Variants in FRMPD3 observed in about 807,000 individuals in gnomAD.
FRMPD3 encodes the protein FERM and PDZ domain containing 3, also known as FERM and PDZ domain-containing protein 3.
A neutral mutation model predicts 97.9 loss-of-function variants in FRMPD3; 42 were observed. The observed-to-expected ratio is 0.43, with a 90% confidence interval of 0.34 to 0.55. The LOEUF is 0.55. Ranked by LOEUF, FRMPD3 falls within the 20% of genes least tolerant of loss-of-function variation. FRMPD3 has a pLI of 0.03. For synonymous variants in FRMPD3, 577 were observed against 581.1 expected, an observed-to-expected ratio of 0.99 and a Z score of 0.10; for missense variants, 1,303 against 1,457.7, an observed-to-expected ratio of 0.89 and a Z score of 1.73.
At position 107,601,615 on chromosome X, in the gene FRMPD3, A is replaced by G. The variant is rs1048762367; in HGVS notation, c.3576A>G (p.Thr1192=). The G allele has an allele frequency of 2.5e-6, 3 of 1,208,584 alleles. No homozygotes were observed. The African/African-American group carries it at 5.3e-5, about 21-fold the overall frequency. Residue 1192 remains threonine (T), a synonymous_variant, in exon 15 of 15, where the codon ACA becomes ACG. Transcript: ENST00000683843. ...CCATGCCCTCTAGGAAGCTTGAAAC[A>G]ACTCTCAATGGAGCCCACTCGACCT... is the stretch of plus-strand genomic sequence containing the variant. ...VSTMPSRKLE[T]TLNGAHSTSE... is the part of the protein sequence containing the mutation.
intron 1 of FRMPD3, among the ~76,000 whole-genome samples, chrX:107,507,519 C>A (rs1395793762): frequency 9.0e-6 from 1 of 111,521 alleles, no homozygotes; most frequent in Non-Finnish European, 1.9e-5. Flanking sequence ...GGACTTCTAG[C>A]TGCCTCTCCC....
intron 13 of FRMPD3, among the ~76,000 whole-genome samples, chrX:107,592,210 C>T (rs759842536): frequency 3.1e-4 from 34 of 111,218 alleles, no homozygotes; most frequent in South Asian, 7.7e-4. Flanking sequence ...TCCTGAGTTA[C>T]TTCACTTAGA....
At chrX:107,580,724 C>G (rs1441696990) in intron 13 of FRMPD3, among the ~76,000 whole-genome samples, 2 of 111,481 alleles carry the variant, frequency 1.8e-5, no homozygotes, top group Non-Finnish European at 3.8e-5. Context: ...GATTGCTCCT[C>G]CGGAGCACTT....
At chrX:107,580,191 A>AT (rs1923319925) in intron 13 of FRMPD3, among the ~76,000 whole-genome samples, 1 of 111,978 alleles carries the variant, frequency 8.9e-6, no homozygotes, top group Admixed American at 9.5e-5. Flanking sequence ...CTTTGCAAGC[A>AT]TTTTTTTCTA....
chrX:107,522,428 T>C (rs1922537294), intron 1 of FRMPD3: 2 of 558,263 alleles, frequency 3.6e-6, no homozygotes, highest in Non-Finnish European at 6.5e-6. Context: ...TGCTGCTGAC[T>C]GTAGGGTTGG....
intron 6 of FRMPD3, among the ~76,000 whole-genome samples, chrX:107,550,381 T>C (rs1360719507): frequency 1.8e-5 from 2 of 112,162 alleles, no homozygotes; most frequent in East Asian, 5.6e-4. Context: ...TGTTAAACCG[T>C]GTGTGTGCAC....
chrX:107,572,908 C>CTACTAA lies in FRMPD3; in HGVS notation c.1297-3405_1297-3404insCTAATA, dbSNP rs796610991. The stretch of plus-strand genomic sequence containing the variant: ...ACTACTACTACTACTACTACTACTA[C>CTACTAA]TAATAATAATAATAATAATAAAGTA... On this transcript the variant is annotated intron_variant, in intron 12 of 14. Transcript: ENST00000683843. 5.7e-3 allele frequency among the ~76,000 whole-genome samples: 572 copies of CTACTAA among 100,979 alleles called. 3 individuals carry two copies. Among genetic ancestry groups the CTACTAA allele is most frequent in the African/African-American group, 0.019 (521 of 26,749 alleles). 87.7% of individuals were successfully genotyped at this position (100,979 alleles called of 115,157 possible).
intron 1 of FRMPD3, among the ~76,000 whole-genome samples, chrX:107,465,876 A>G (rs1931552710): frequency 8.9e-6 from 1 of 111,963 alleles, no homozygotes. Context: ...TCTACCAAAA[A>G]AAAAAAGAAA....
At chrX:107,490,290 C>T (rs1602758838) in intron 1 of FRMPD3, among the ~76,000 whole-genome samples, 2 of 112,069 alleles carry the variant, frequency 1.8e-5, no homozygotes, top group South Asian at 3.7e-4. Flanking sequence ...CAGCTTTGTT[C>T]TTTTGGCTTA....
chrX:107,485,360 G>A (rs1477092162), intron 1 of FRMPD3, among the ~76,000 whole-genome samples: 1 of 112,400 alleles, frequency 8.9e-6, no homozygotes, highest in Non-Finnish European at 1.9e-5. Flanking sequence ...GGGTGGCTCT[G>A]GGGAAAAGAT....
intron 1 of FRMPD3, among the ~76,000 whole-genome samples, chrX:107,475,183 G>T (rs1431735976): frequency 9.0e-6 from 1 of 111,422 alleles, no homozygotes; most frequent in African/African-American, 3.3e-5. Context: ...ATGTGTGTAT[G>T]AGAGAGATTA....
At chrX:107,503,810 G>C (rs1489889361) in intron 1 of FRMPD3, among the ~76,000 whole-genome samples, 1 of 112,002 alleles carries the variant, frequency 8.9e-6, no homozygotes, top group Non-Finnish European at 1.9e-5. Flanking sequence ...TTGCAAGCTG[G>C]GGTAGGCATG....
Position 107,601,659 on chromosome X carries a change from C to T in FRMPD3, c.3620C>T (p.Pro1207Leu). 8.3e-7 allele frequency: 1 copy of T among 1,211,225 alleles called. No homozygotes were observed. The highest frequency in any genetic ancestry group is 1.1e-6 in the Non-Finnish European group (1 of 895,495). Residue 1207 changes from proline (P) to leucine (L), a missense_variant, in exon 15 of 15, where the codon CCC becomes CTC. Transcript: ENST00000683843. The part of the protein sequence containing the change: ...AHSTSEGPAK[P>L]KSSRGPFRLR... ...TCGACCTCTGAAGGCCCTGCCAAACCCAAGTCATCCCGAGGTCCTTTCCGG... is the reference window on the plus strand; with the variant it reads ...TCGACCTCTGAAGGCCCTGCCAAACTCAAGTCATCCCGAGGTCCTTTCCGG...
intron 7 of FRMPD3, 132 bp from the exon 8 acceptor site, chrX:107,554,253 G>A: frequency 4.5e-6 from 3 of 666,808 alleles, no homozygotes; most frequent in Non-Finnish European, 4.4e-6. Context: ...AGCCAGGTCG[G>A]AGACAGAGTA....
intron 1 of FRMPD3, among the ~76,000 whole-genome samples, chrX:107,455,099 C>T (rs1165632323): frequency 2.7e-5 from 3 of 111,933 alleles, no homozygotes; most frequent in Non-Finnish European, 5.6e-5. Context: ...TTCCATTTCA[C>T]TCACCAGGAA....
At chrX:107,483,002 C>T (rs1298536034) in intron 1 of FRMPD3, among the ~76,000 whole-genome samples, 2 of 112,187 alleles carry the variant, frequency 1.8e-5, no homozygotes, top group Non-Finnish European at 1.9e-5. Flanking sequence ...CCATTGTCTC[C>T]GTCTATAGAC....
In FRMPD3 at chrX:107,538,560, A is replaced by AG. The variant is rs1207920986; in HGVS notation, c.297+5010_297+5011insG. On this transcript the variant is annotated intron_variant, in intron 4 of 14. Coordinates refer to ENST00000683843, the MANE Select transcript of FRMPD3 (RefSeq NM_001388459.1). Reference sequence around the variant, plus strand: ...TTTGTTAAAAAAAAAAAAAAAAAAAAAAAAACCACTGGACCAGACAATCTG... The same window carrying AG: ...TTTGTTAAAAAAAAAAAAAAAAAAAAGAAAAACCACTGGACCAGACAATCTG... Among the ~76,000 whole-genome samples the AG allele has an allele frequency of 2.3e-3, 248 of 108,380 alleles. 1 individual carries two copies. Among genetic ancestry groups the AG allele is most frequent in the African/African-American group, 7.6e-3 (227 of 29,904 alleles). 94.1% of individuals were successfully genotyped at this position (108,380 alleles called of 115,157 possible).
chrX:107,603,176 C>G lies in FRMPD3; in HGVS notation c.5137C>G (p.Arg1713Gly). ...GCGTGCAGCTGAGGAGTCCACAGCCCGTAACCTTAACCAGCAGCAGCAGCA... is the reference window on the plus strand; with the variant it reads ...GCGTGCAGCTGAGGAGTCCACAGCCGGTAACCTTAACCAGCAGCAGCAGCA... Reference protein sequence around the residue: ...LLRAAEESTARNLNQQQQQQQ... With the variant: ...LLRAAEESTAGNLNQQQQQQQ... Residue 1713 changes from arginine to glycine, a missense_variant, in exon 15 of 15, where the codon CGT becomes GGT. This residue lies in a region of FRMPD3 where 764 missense variants were observed against 820.2 expected (regional missense o/e 0.93). Coordinates refer to ENST00000683843, the MANE Select transcript of FRMPD3 (RefSeq NM_001388459.1). 1.7e-6 allele frequency: 2 copies of G among 1,193,326 alleles called. No individual in the cohort carries two copies. The highest frequency in any genetic ancestry group is 1.8e-5 in the South Asian group (1 of 54,687).
intron 13 of FRMPD3, among the ~76,000 whole-genome samples, chrX:107,585,722 C>T (rs1390591038): frequency 8.9e-6 from 1 of 111,952 alleles, no homozygotes; most frequent in Non-Finnish European, 1.9e-5. Context: ...GTCTTTGGTT[C>T]TGTTTATGTG....
Sources: gnomAD v4.1 joint callset for allele counts (sites outside exome capture counted in the v4.1 genomes callset) on GRCh38, gnomAD v4.1.1 for gene constraint, gnomAD v4.1.1 regional missense constraint, MANE v1.5 for transcripts, NCBI Gene and HGNC (gene_info 2026-07-23, HGNC 2026-07-21) for gene names.